PTPRM: variants seen among roughly 807,000 people sequenced by gnomAD.
The protein encoded by PTPRM is protein tyrosine phosphatase receptor type M.
PTPRM carries 47 observed loss-of-function variants against 186.7 expected under a neutral mutation model. The observed-to-expected ratio is 0.25, with a 90% CI of 0.20 to 0.32. The LOEUF is 0.32. PTPRM is among the 10% of genes least tolerant of loss of function. The probability of loss-of-function intolerance (pLI) is 1.00; values close to 1 mark genes in which losing one functional copy is unlikely to be tolerated. For missense variants in PTPRM, 1,494 were observed against 1,865.0 expected (o/e 0.80, Z 3.66); for synonymous variants, 668 against 674.9 (o/e 0.99, Z 0.16).
Position 7,674,431 on chromosome 18 carries a change from C to T in PTPRM, c.74-99718C>T, listed in dbSNP as rs137971460. The stretch of plus-strand genomic sequence containing the variant: ...GGAGTTTTACTGCTTATGGCTTCTG[C>T]GTTCTCTTGAAGGGCTGGTGGTGTG... On this transcript the variant is annotated intron_variant, in intron 1 of 32. Transcript: ENST00000580170. Among the ~76,000 whole-genome samples, 14 of 152,160 alleles carry T rather than the reference C, an allele frequency of 9.2e-5. No homozygotes were observed. The East Asian group carries it at 2.7e-3, about 29-fold the overall frequency.
intron 7 of PTPRM, chr18:7,995,580 T>G (rs528213846): frequency 6.6e-6 from 1 of 152,280 alleles, no homozygotes; most frequent in Admixed American, 6.5e-5. Flanking sequence ...AAGACTATAC[T>G]TTCAGGGATC....
At chr18:8,156,771 T>A (rs1365045907) in intron 14 of PTPRM, among the ~76,000 whole-genome samples, 2 of 152,204 alleles carry the variant, frequency 1.3e-5, no homozygotes, top group African/African-American at 2.4e-5. Context: ...TCTATAAATA[T>A]TTGAAATTCT....
In PTPRM at chr18:8,281,396, G is replaced by A. The variant is rs568656194; in HGVS notation, c.2755-14972G>A. Among the ~76,000 whole-genome samples, 16 of 152,218 alleles carry A rather than the reference G, an allele frequency of 1.1e-4. No homozygotes were observed. In the South Asian group the frequency reaches 1.2e-3, roughly 12 times the overall value. On this transcript the variant is annotated intron_variant, in intron 19 of 32. Coordinates refer to ENST00000580170, the MANE Select transcript of PTPRM (RefSeq NM_001105244.2). ...CCACCTACAGCAGGATGCTTGTTGC[G>A]GGGATTATCTTAGGGACTCCAAAAT...
intron 9 of PTPRM, among the ~76,000 whole-genome samples, chr18:8,083,426 G>A (rs2090256860): frequency 6.6e-6 from 1 of 151,966 alleles, no homozygotes; most frequent in South Asian, 2.1e-4. Context: ...CAAACTCTCA[G>A]CATGATTAAC....
intron 14 of PTPRM, among the ~76,000 whole-genome samples, chr18:8,200,473 G>C (rs2093839646): frequency 6.6e-6 from 1 of 152,234 alleles, no homozygotes; most frequent in Non-Finnish European, 1.5e-5. Context: ...CTCAGGGCTG[G>C]CCCTGTGAGG....
At chr18:8,224,678 A>G (rs111551669) in intron 14 of PTPRM, among the ~76,000 whole-genome samples, 1,569 of 152,310 alleles carry the variant, frequency 0.01, 23 homozygotes, top group African/African-American at 0.036. Flanking sequence ...AACCTTTTAT[A>G]TATGATTCCT....
At chr18:7,573,568 TTTTTGTTTTGTTTTGTTTTG>T (rs367999305) in intron 1 of PTPRM, among the ~76,000 whole-genome samples, 1 of 150,972 alleles carries the variant, frequency 6.6e-6, no homozygotes, top group Non-Finnish European at 1.5e-5. Context: ...AAAGAGGAGG[TTTTTGTTTTGTTTTGTTTTG>T]TTTTGTTTTG....
At chr18:7,877,574 C>T (rs1384528775) in intron 2 of PTPRM, among the ~76,000 whole-genome samples, 4 of 152,166 alleles carry the variant, frequency 2.6e-5, no homozygotes, top group Admixed American at 1.3e-4. Context: ...AAGTATTTTA[C>T]GTGATTTACC....
At chr18:8,336,899 C>G (rs2095442977) in intron 22 of PTPRM, among the ~76,000 whole-genome samples, 1 of 150,958 alleles carries the variant, frequency 6.6e-6, no homozygotes, top group South Asian at 2.1e-4. Flanking sequence ...ATTGCTTGAA[C>G]CCAGGAGATG....
chr18:7,919,068 A>G lies in PTPRM; in HGVS notation c.548-7500A>G, dbSNP rs146737359. Among the ~76,000 whole-genome samples, 21 of 152,000 alleles carry G rather than the reference A, an allele frequency of 1.4e-4. No individual in the cohort carries two copies. The East Asian group carries it at 4.1e-3, about 29-fold the overall frequency. On this transcript the variant is annotated intron_variant, in intron 4 of 32. Transcript: ENST00000580170. ...AGAGACTGTCCTTTCTTCGTTGTAT[A>G]CTCTTAGCACCTTTGTCAAAGACAA...
intron 2 of PTPRM, among the ~76,000 whole-genome samples, chr18:7,798,153 A>G (rs2043764064): frequency 6.6e-6 from 1 of 152,198 alleles, no homozygotes; most frequent in Non-Finnish European, 1.5e-5. Context: ...AATACCCACG[A>G]GGGTTGGTAG....
chr18:8,040,718 T>C (rs1402286145), intron 7 of PTPRM, among the ~76,000 whole-genome samples: 2 of 152,194 alleles, frequency 1.3e-5, no homozygotes, highest in East Asian at 3.9e-4. Flanking sequence ...TTTCTGTTCA[T>C]TCTGGACCTG....
At chr18:7,625,273 A>G (rs2038033867) in intron 1 of PTPRM, among the ~76,000 whole-genome samples, 2 of 152,204 alleles carry the variant, frequency 1.3e-5, no homozygotes, top group Admixed American at 1.3e-4. Flanking sequence ...TCAATAAATC[A>G]GAAGTTTCCA....
At chr18:8,127,168 A>G (rs2092388138) in intron 13 of PTPRM, among the ~76,000 whole-genome samples, 1 of 152,158 alleles carries the variant, frequency 6.6e-6, no homozygotes, top group African/African-American at 2.4e-5. Context: ...AAAAAAAAGA[A>G]CAGAGTAAGT....
chr18:7,711,764 A>G (rs766936700), intron 1 of PTPRM, among the ~76,000 whole-genome samples: 5 of 152,186 alleles, frequency 3.3e-5, no homozygotes, highest in African/African-American at 4.8e-5. Flanking sequence ...AAGCCACTGT[A>G]GCCAGATTGC....
chr18:8,311,008 G>C (rs183243867), intron 20 of PTPRM, among the ~76,000 whole-genome samples: 1 of 151,842 alleles, frequency 6.6e-6, no homozygotes, highest in Admixed American at 6.5e-5. Flanking sequence ...AGACAAGCCT[G>C]TATTAAAACT....
intron 32 of PTPRM, among the ~76,000 whole-genome samples, chr18:8,399,457 A>T (rs1196441286): frequency 6.6e-6 from 1 of 152,220 alleles, no homozygotes; most frequent in Non-Finnish European, 1.5e-5. Flanking sequence ...TATCCTTTAA[A>T]GAGGCCAATT....
intron 2 of PTPRM, among the ~76,000 whole-genome samples, chr18:7,797,064 C>T (rs2043699149): frequency 2.6e-5 from 4 of 152,210 alleles, no homozygotes; most frequent in Admixed American, 2.6e-4. Flanking sequence ...GACTCAGCTC[C>T]ACTCATGTAC....
intron 22 of PTPRM, among the ~76,000 whole-genome samples, chr18:8,321,065 G>T (rs1211127774): frequency 6.6e-6 from 1 of 152,162 alleles, no homozygotes; most frequent in Non-Finnish European, 1.5e-5. Flanking sequence ...AGAGGAACCT[G>T]TTGTTAGGGG....
Sources: allele counts gnomAD v4.1 joint callset (sites outside exome capture counted in the v4.1 genomes callset), GRCh38; gene constraint gnomAD v4.1.1; transcripts MANE v1.5; gene names NCBI Gene and HGNC (gene_info 2026-07-23, HGNC 2026-07-21).